The following SLC4A7 variants were observed in gnomAD, a reference collection of about 807,000 sequenced individuals.
SLC4A7 encodes sodium bicarbonate cotransporter 3.
Under a neutral mutation model 137.6 loss-of-function variants are expected in SLC4A7, and 51 were observed. The observed-to-expected ratio is 0.37, with a 90% CI of 0.30 to 0.47. The LOEUF (loss-of-function observed/expected upper bound fraction) is 0.47, where lower values mean the gene tolerates loss of function less well. SLC4A7 is among the 20% of genes least tolerant of loss of function. The pLI is 1.00. For missense variants in SLC4A7, 1,247 were observed against 1,525.4 expected (o/e 0.82, Z 3.04); for synonymous variants, 542 against 518.6 (o/e 1.05, Z -0.61).
Position 27,389,957 on chromosome 3 carries a change from C to T in SLC4A7, c.3334G>A (p.Ala1112Thr). 1 of 1,613,552 alleles carries T rather than the reference C, an allele frequency of 6.2e-7. No individual in the cohort carries two copies. Among genetic ancestry groups the T allele is most frequent in the African/African-American group, 1.3e-5 (1 of 75,000 alleles). Residue 1112 changes from alanine to threonine, a missense_variant, in exon 22 of 26, where the codon GCT becomes ACT. This residue lies in a region of SLC4A7 where 290 missense variants were observed against 323.8 expected (regional missense o/e 0.90). Transcript: ENST00000454389. ...ATCATGGGAAAAACCACTGCAGCAG[C>T]TGAAACTTTTATCACCCATAAAAGG... ...LVLLWVIKVS[A>T]AAVVFPMMVL...
chr3:27,431,764 T>A (rs548899151), intron 6 of SLC4A7, 95 bp from the exon 7 acceptor site: 1 of 1,336,018 alleles, frequency 7.5e-7, no homozygotes, highest in African/African-American at 1.5e-5. Context: ...ATAAATTGCA[T>A]ACTTCAAAGG....
At position 27,484,178 on chromosome 3, in the gene SLC4A7, G is replaced by A; in HGVS notation, c.-52C>T. The A allele has an allele frequency of 1.6e-6, 2 of 1,227,140 alleles. No individual in the cohort carries two copies. Among genetic ancestry groups the A allele is most frequent in the South Asian group, 3.1e-5 (1 of 32,260 alleles). The allele number at this position is 1,227,140 out of a possible 1,614,324, so 76.0% of individuals were successfully genotyped here. On this transcript the variant is annotated 5_prime_UTR_variant, in exon 1 of 26. Transcript: ENST00000454389. ...GCTACGGTACTGCCCCGCGCGGTCT[G>A]CCTGCTTCTGCCGCTGCCCCTGCCG...
chr3:27,376,733 A>G lies in SLC4A7; in HGVS notation c.*31T>C, dbSNP rs781606160. On this transcript the variant is annotated 3_prime_UTR_variant, in exon 26 of 26. Transcript: ENST00000454389. ...ATACGCACACATTACATATGTATATATCTATATGTATAATGCCTCTTGGTT... is the reference window on the plus strand; with the variant it reads ...ATACGCACACATTACATATGTATATGTCTATATGTATAATGCCTCTTGGTT... 2.3e-6 allele frequency: 3 copies of G among 1,280,406 alleles called. No individual in the cohort carries two copies. In the South Asian group the frequency reaches 3.6e-5, roughly 16 times the overall value. 79.3% of individuals were successfully genotyped at this position (1,280,406 alleles called of 1,614,324 possible). A position where few individuals can be genotyped will look rare whatever the true frequency, so the allele number is the denominator to read the frequency against.
chr3:27,475,613 AG>A (rs2059431634), intron 1 of SLC4A7, among the ~76,000 whole-genome samples: 4 of 152,180 alleles, frequency 2.6e-5, no homozygotes, highest in Admixed American at 2.6e-4. Context: ...GGCCAAATGA[AG>A]GCCAATTTTA....
At chr3:27,478,315 C>T (rs1039618401) in intron 1 of SLC4A7, among the ~76,000 whole-genome samples, 3 of 151,780 alleles carry the variant, frequency 2.0e-5, no homozygotes, top group Admixed American at 1.3e-4. Flanking sequence ...GTCAGGAGTT[C>T]GAGACCAGCC....
chr3:27,422,825 G>A (rs1403516367), intron 8 of SLC4A7: 3 of 456,034 alleles, frequency 6.6e-6, no homozygotes, highest in Non-Finnish European at 8.8e-6. Flanking sequence ...CAACTACAGT[G>A]CCAGGAGGCA....
intron 1 of SLC4A7, among the ~76,000 whole-genome samples, chr3:27,482,642 C>T (rs999338208): frequency 2.0e-5 from 3 of 152,016 alleles, no homozygotes; most frequent in African/African-American, 7.2e-5. Flanking sequence ...CATAGTGGTG[C>T]GTGCCTGTAA....
intron 3 of SLC4A7, among the ~76,000 whole-genome samples, chr3:27,441,878 T>C (rs962207995): frequency 4.6e-5 from 7 of 152,008 alleles, no homozygotes; most frequent in East Asian, 3.9e-4. Context: ...AAGTCATCCA[T>C]AATATTCTCT....
intron 1 of SLC4A7, among the ~76,000 whole-genome samples, chr3:27,463,102 C>T (rs1559829769): frequency 6.6e-6 from 1 of 151,706 alleles, no homozygotes; most frequent in African/African-American, 2.4e-5. Context: ...ACCAGCCTGG[C>T]CAACATGGCG....
intron 1 of SLC4A7, among the ~76,000 whole-genome samples, chr3:27,457,364 A>T (rs2058466782): frequency 6.6e-6 from 1 of 152,142 alleles, no homozygotes; most frequent in African/African-American, 2.4e-5. Context: ...AAATCTCTTC[A>T]ATTATCTAAC....
At chr3:27,446,126 GTA>G (rs1350066149) in intron 3 of SLC4A7, among the ~76,000 whole-genome samples, 115 of 109,130 alleles carry the variant, frequency 1.1e-3, no homozygotes, top group South Asian at 7.1e-3. Flanking sequence ...ATGTGTGTGT[GTA>G]TATATATATA....
At chr3:27,463,464 A>G (rs1052280055) in intron 1 of SLC4A7, among the ~76,000 whole-genome samples, 3 of 151,104 alleles carry the variant, frequency 2.0e-5, no homozygotes, top group African/African-American at 7.3e-5. Context: ...AAATTAGCCG[A>G]GCGTGGTGGC....
Position 27,448,683 on chromosome 3 carries a change from T to A in SLC4A7, c.257A>T (p.Asp86Val), listed in dbSNP as rs1184470616. ...AGGAGATTCCCGTCCATCTTCTTTATCTGATTCTTTATCTTTTCTTCTCCG... is the reference window on the plus strand; with the variant it reads ...AGGAGATTCCCGTCCATCTTCTTTAACTGATTCTTTATCTTTTCTTCTCCG... Reference protein sequence around the residue: ...HHRRRKDKESDKEDGRESPSY... With the variant: ...HHRRRKDKESVKEDGRESPSY... The change falls in exon 3 of 26, where the codon GAT becomes GTT. Residue 86 changes from aspartate to valine, a missense_variant. By Grantham distance (152) the Asp-to-Val change is radical. Coordinates refer to ENST00000454389, the MANE Select transcript of SLC4A7 (RefSeq NM_001321103.2). The A allele has an allele frequency of 6.2e-7, 1 of 1,613,368 alleles. No homozygotes were observed.
In SLC4A7 at chr3:27,390,155, T is replaced by C. The variant is rs531718738; in HGVS notation, c.3187-51A>G. On this transcript the variant is annotated intron_variant, in intron 21 of 25. Transcript: ENST00000454389. Reference sequence around the variant, plus strand: ...AGTTTTCAATAAAATATTTCTGCTATTTAGGAGAAGAATCTATACTCAACT... The same window carrying C: ...AGTTTTCAATAAAATATTTCTGCTACTTAGGAGAAGAATCTATACTCAACT... 4 of 1,124,040 alleles carry C rather than the reference T, an allele frequency of 3.6e-6. No homozygotes were observed. In the African/African-American group the frequency reaches 4.7e-5, roughly 13 times the overall value. 69.6% of individuals were successfully genotyped at this position (1,124,040 alleles called of 1,614,324 possible). A position where few individuals can be genotyped will look rare whatever the true frequency, so the allele number is the denominator to read the frequency against.
rs2150073036 is a variant in SLC4A7, at chr3:27,390,001, A to G, written c.3290T>C (p.Ile1097Thr). 3.1e-6 allele frequency: 5 copies of G among 1,613,988 alleles called. No homozygotes were observed. Among genetic ancestry groups the G allele is most frequent in the East Asian group, 2.2e-5 (1 of 44,868 alleles). The change falls in exon 22 of 26, where the codon ATT becomes ACT. Residue 1097 changes from isoleucine to threonine, a missense_variant. Ile to Thr is a moderately conservative substitution (Grantham distance 89). This residue lies in a region of SLC4A7 where 290 missense variants were observed against 323.8 expected (regional missense o/e 0.90). Coordinates refer to ENST00000454389, the MANE Select transcript of SLC4A7 (RefSeq NM_001321103.2). ...PLWKVHIFTV[I>T]QLTCLVLLWV... ...TAAAAGGACCAAACAAGTAAGCTGAATGACTGTGAAAATATGGACCTTCCA... is the reference window on the plus strand; with the variant it reads ...TAAAAGGACCAAACAAGTAAGCTGAGTGACTGTGAAAATATGGACCTTCCA...
rs943754556 is a variant in SLC4A7 at position 27,418,552 on chromosome 3, A to T, written c.1593T>A (p.Thr531=). The T allele has an allele frequency of 5.0e-6, 8 of 1,608,266 alleles. No homozygotes were observed. The highest frequency in any genetic ancestry group is 4.3e-6 in the Non-Finnish European group (5 of 1,174,816). ...SGIDEFLDQV[T]VLPPGEWDPS... Reference sequence around the variant, plus strand: ...GATCCCACTCTCCTGGAGGTAGGACAGTTACTTGATCTAAAAATTCATCAA... The same window carrying T: ...GATCCCACTCTCCTGGAGGTAGGACTGTTACTTGATCTAAAAATTCATCAA... The change falls in exon 11 of 26, where the codon ACT becomes ACA. Residue 531 remains threonine (T), a synonymous_variant. Coordinates refer to ENST00000454389, the MANE Select transcript of SLC4A7 (RefSeq NM_001321103.2).
intron 1 of SLC4A7, among the ~76,000 whole-genome samples, chr3:27,477,746 C>G (rs1287117482): frequency 6.6e-6 from 1 of 152,086 alleles, no homozygotes; most frequent in African/African-American, 2.4e-5. Flanking sequence ...TCCCAAGTAG[C>G]TGGGATTACA....
intron 1 of SLC4A7, among the ~76,000 whole-genome samples, chr3:27,470,572 G>T (rs1450916838): frequency 6.6e-6 from 1 of 150,922 alleles, no homozygotes; most frequent in Non-Finnish European, 1.5e-5. Context: ...CTATAGCAAT[G>T]GTTTTCCAAC....
intron 22 of SLC4A7, among the ~76,000 whole-genome samples, chr3:27,387,900 T>C (rs907668210): frequency 6.6e-6 from 1 of 152,188 alleles, no homozygotes; most frequent in African/African-American, 2.4e-5. Context: ...ATACTGCCTC[T>C]GGTTTGTGGT....
Sources: allele counts gnomAD v4.1 joint callset (sites outside exome capture counted in the v4.1 genomes callset), GRCh38; gene constraint gnomAD v4.1.1; regional missense constraint gnomAD v4.1.1; transcripts MANE v1.5; gene names NCBI Gene and HGNC (gene_info 2026-07-23, HGNC 2026-07-21).